Variants in SPAG16 observed in about 807,000 individuals in gnomAD.
SPAG16 encodes sperm associated antigen 16.
A neutral mutation model predicts 80.4 loss-of-function variants in SPAG16; 86 were observed. That is an observed-to-expected ratio of 1.07 (90% CI 0.90 to 1.28). The LOEUF is 1.28. Ranked by LOEUF, SPAG16 falls within the 50% of genes most tolerant of loss-of-function variation. SPAG16 has a pLI of 0.00. For synonymous variants in SPAG16, 294 were observed against 265.9 expected (o/e 1.11, Z -1.03); for missense variants, 870 against 765.3 (o/e 1.14, Z -1.61).
chr2:213,761,020 A>T (rs991627511), intron 10 of SPAG16, among the ~76,000 whole-genome samples: 1 of 152,212 alleles, frequency 6.6e-6, no homozygotes, highest in African/African-American at 2.4e-5. Flanking sequence ...ATTTGGCTCC[A>T]TCTCCTAACA....
At chr2:214,316,632 A>C (rs1695716144) in intron 15 of SPAG16, among the ~76,000 whole-genome samples, 1 of 152,140 alleles carries the variant, frequency 6.6e-6, no homozygotes, top group South Asian at 2.1e-4. Flanking sequence ...CTTTTATAGA[A>C]AATATTTTCT....
intron 10 of SPAG16, among the ~76,000 whole-genome samples, chr2:213,543,980 G>A (rs375277614): frequency 5.5e-4 from 84 of 152,080 alleles, no homozygotes; most frequent in African/African-American, 1.9e-3. Context: ...GAAGCTTTGC[G>A]TATTTCTCAA....
intron 15 of SPAG16, among the ~76,000 whole-genome samples, chr2:214,262,835 A>G (rs1043958167): frequency 1.3e-5 from 2 of 152,100 alleles, no homozygotes; most frequent in East Asian, 3.8e-4. Context: ...TTTTACTGTA[A>G]TCATTCTTTA....
intron 15 of SPAG16, among the ~76,000 whole-genome samples, chr2:214,151,109 A>T (rs757007206): frequency 6.6e-6 from 1 of 152,078 alleles, no homozygotes; most frequent in Non-Finnish European, 1.5e-5. Flanking sequence ...TCTTTAAGGA[A>T]CATACCATAA....
intron 5 of SPAG16, among the ~76,000 whole-genome samples, chr2:213,335,683 G>T (rs2064322377): frequency 6.6e-6 from 1 of 152,098 alleles, no homozygotes; most frequent in Admixed American, 6.5e-5. Flanking sequence ...AAGACTGAAT[G>T]TTCGAATCAA....
chr2:214,321,491 A>G (rs1696092808), intron 15 of SPAG16, among the ~76,000 whole-genome samples: 1 of 152,220 alleles, frequency 6.6e-6, no homozygotes. Flanking sequence ...CGTTCAACCT[A>G]CACAGTTGAA....
At chr2:213,704,781 T>A (rs904829667) in intron 10 of SPAG16, among the ~76,000 whole-genome samples, 2 of 152,102 alleles carry the variant, frequency 1.3e-5, no homozygotes, top group Non-Finnish European at 2.9e-5. Context: ...GAAGAGTTAT[T>A]GGAGAGTATT....
chr2:213,682,294 T>G (rs1371921317), intron 10 of SPAG16, among the ~76,000 whole-genome samples: 1 of 152,198 alleles, frequency 6.6e-6, no homozygotes, highest in Non-Finnish European at 1.5e-5. Context: ...TTTGTTGTTT[T>G]CCAAACCAGA....
At chr2:213,842,077 A>G (rs2074389876) in intron 10 of SPAG16, among the ~76,000 whole-genome samples, 1 of 152,140 alleles carries the variant, frequency 6.6e-6, no homozygotes, top group African/African-American at 2.4e-5. Flanking sequence ...ACAAAATAGG[A>G]AAGCATTATA....
chr2:213,365,054 A>C (rs1430120987), intron 8 of SPAG16: 1 of 152,220 alleles, frequency 6.6e-6, no homozygotes, highest in Non-Finnish European at 1.5e-5. Flanking sequence ...CACCCTAACG[A>C]AGCATAAAAT....
At chr2:213,962,764 T>G (rs922092045) in intron 12 of SPAG16, among the ~76,000 whole-genome samples, 15 of 152,230 alleles carry the variant, frequency 9.9e-5, no homozygotes, top group African/African-American at 3.6e-4. Flanking sequence ...AATTTTCTGT[T>G]TCTTCTAGAG....
rs76824469 is a variant in SPAG16, at chr2:214,146,466, C to T, written c.1594-2674C>T. On this transcript the variant is annotated intron_variant, in intron 14 of 15. Coordinates refer to ENST00000331683, the MANE Select transcript of SPAG16 (RefSeq NM_024532.5). ...CTATCAGGGTTGGAATTAATATTCACCTGCAAAACTGCTTTGGAAGGACTT... is the reference window on the plus strand; with the variant it reads ...CTATCAGGGTTGGAATTAATATTCATCTGCAAAACTGCTTTGGAAGGACTT... Among the ~76,000 whole-genome samples, 305 of 152,218 alleles carry T rather than the reference C, an allele frequency of 2.0e-3. 5 individuals carry two copies. The East Asian group carries it at 0.035, about 18-fold the overall frequency.
At position 213,284,554 on chromosome 2, in the gene SPAG16, C is replaced by T. The variant is rs752948963; in HGVS notation, c.71C>T (p.Thr24Met). 3 of 1,605,814 alleles carry T rather than the reference C, an allele frequency of 1.9e-6. No homozygotes were observed. Among genetic ancestry groups the T allele is most frequent in the African/African-American group, 1.3e-5 (1 of 74,966 alleles). ...VLEEALGMGL[T>M]AAGDARDTAD... Reference sequence around the variant, plus strand: ...GAAGAGGCGTTGGGCATGGGTTTGACGGCAGCCGGGGACGCGAGGGACACG... The same window carrying T: ...GAAGAGGCGTTGGGCATGGGTTTGATGGCAGCCGGGGACGCGAGGGACACG... Residue 24 changes from threonine (T) to methionine (M), a missense_variant, in exon 1 of 16, where the codon ACG (threonine) becomes ATG (methionine). Physicochemically the swap from Thr to Met is moderately conservative, Grantham distance 81. Coordinates refer to ENST00000331683, the MANE Select transcript of SPAG16 (RefSeq NM_024532.5).
At chr2:214,333,520 T>TGTCA (rs1697073541) in intron 15 of SPAG16, among the ~76,000 whole-genome samples, 1 of 152,226 alleles carries the variant, frequency 6.6e-6, no homozygotes, top group Admixed American at 6.5e-5. Flanking sequence ...TCTATCTTAC[T>TGTCA]GTCAGTGCTG....
chr2:213,536,680 G>T (rs1472918035), intron 10 of SPAG16, among the ~76,000 whole-genome samples: 1 of 151,960 alleles, frequency 6.6e-6, no homozygotes, highest in African/African-American at 2.4e-5. Flanking sequence ...GGGGTTGTTT[G>T]TTTTTTTCTT....
At chr2:214,077,983 T>C (rs2051165459) in intron 13 of SPAG16, among the ~76,000 whole-genome samples, 2 of 152,200 alleles carry the variant, frequency 1.3e-5, no homozygotes, top group South Asian at 4.1e-4. Flanking sequence ...TTGCATCTCT[T>C]AAGTAAAGCG....
rs184664457 is a variant in SPAG16 at position 213,323,268 on chromosome 2, G to A, written c.536+5912G>A. ...ATCCTGGCTAACATGGTGAAACCCC[G>A]TCTCTTCTAAAAAATACAAAAAATT... On this transcript the variant is annotated intron_variant, in intron 5 of 15. Coordinates refer to ENST00000331683, the MANE Select transcript of SPAG16 (RefSeq NM_024532.5). Among the ~76,000 whole-genome samples, 436 of 152,042 alleles carry A rather than the reference G, an allele frequency of 2.9e-3. 2 individuals carry two copies. The highest frequency in any genetic ancestry group is 1.0e-2 in the African/African-American group (414 of 41,472).
chr2:213,845,520 G>T (rs1217256236), intron 10 of SPAG16, among the ~76,000 whole-genome samples: 1 of 152,110 alleles, frequency 6.6e-6, no homozygotes, highest in Non-Finnish European at 1.5e-5. Flanking sequence ...TAATGAACAT[G>T]AACAGTATTA....
At chr2:213,952,778 C>A (rs1488760441) in intron 12 of SPAG16, among the ~76,000 whole-genome samples, 1 of 152,062 alleles carries the variant, frequency 6.6e-6, no homozygotes, top group Non-Finnish European at 1.5e-5. Flanking sequence ...ATAATTTGGA[C>A]TTCAAAGAAA....
Sources: allele counts gnomAD v4.1 joint callset (sites outside exome capture counted in the v4.1 genomes callset), GRCh38; gene constraint gnomAD v4.1.1; transcripts MANE v1.5; gene names NCBI Gene and HGNC (gene_info 2026-07-23, HGNC 2026-07-21).